Variants in DDX50 observed in about 807,000 individuals in gnomAD.
DDX50 encodes DExD-box helicase 50.
DDX50 carries 56 observed loss-of-function variants against 94.8 expected under a neutral mutation model. That is an observed-to-expected ratio of 0.59 (90% CI 0.48 to 0.74). DDX50 has a LOEUF of 0.74. DDX50 is among the 30% of genes least tolerant of loss of function. The pLI, the probability that DDX50 is intolerant of heterozygous loss-of-function variation, is 0.00. For synonymous variants in DDX50, 264 were observed against 295.4 expected (o/e 0.89, Z 1.09); for missense variants, 713 against 881.2 (o/e 0.81, Z 2.42).
chr10:68,902,869 T>C (rs1841332201), intron 1 of DDX50, among the ~76,000 whole-genome samples: 1 of 152,256 alleles, frequency 6.6e-6, no homozygotes, highest in Non-Finnish European at 1.5e-5. Context: ...TGACATTTGT[T>C]ATGCATGTCT....
chr10:68,941,304 T>C (rs1842548112), intron 13 of DDX50, 110 bp downstream of exon 13: 4 of 1,374,886 alleles, frequency 2.9e-6, no homozygotes, highest in Non-Finnish European at 4.0e-6. Flanking sequence ...TGAATAATGC[T>C]GTTTTTTCTC....
chr10:68,911,221 CAATT>C lies in DDX50; in HGVS notation c.617_620del (p.Ile206LysfsTer21), dbSNP rs1841617737. The C allele has an allele frequency of 6.3e-7, 1 of 1,599,118 alleles. No homozygotes were observed. The highest frequency in any genetic ancestry group is 8.5e-7 in the Non-Finnish European group (1 of 1,175,542). On this transcript the variant is annotated frameshift_variant, in exon 4 of 15. Transcript: ENST00000373585. LOFTEE classifies it high-confidence loss of function. ...GAAAGACTCCAAAGAAATCAAGAAA[CAATT>C]AAAAAAAGCCGCTCACCAAAGGTAA...
At chr10:68,915,457 C>A (rs953765949) in intron 7 of DDX50, among the ~76,000 whole-genome samples, 1 of 151,354 alleles carries the variant, frequency 6.6e-6, no homozygotes, top group Non-Finnish European at 1.5e-5. Context: ...GTGGCTCACG[C>A]CTGTATTCTG....
intron 14 of DDX50, among the ~76,000 whole-genome samples, chr10:68,944,370 A>G (rs936894428): frequency 2.6e-5 from 4 of 152,154 alleles, no homozygotes; most frequent in African/African-American, 9.7e-5. Context: ...GAAGTTGTCT[A>G]CTGGATTCCC....
intron 1 of DDX50, among the ~76,000 whole-genome samples, chr10:68,904,372 C>T (rs1418535280): frequency 4.0e-5 from 6 of 151,834 alleles, no homozygotes; most frequent in Admixed American, 6.6e-5. Flanking sequence ...TTGGTTCGGA[C>T]GTGTTGAGAT....
intron 14 of DDX50, among the ~76,000 whole-genome samples, chr10:68,945,300 A>T (rs1231718352): frequency 2.2e-5 from 3 of 135,444 alleles, no homozygotes; most frequent in African/African-American, 8.1e-5. Flanking sequence ...AGGGTGTCTT[A>T]ATAACAACAT....
At chr10:68,910,516 C>A in intron 3 of DDX50, 134 bp downstream of exon 3, 1 of 617,436 alleles carries the variant, frequency 1.6e-6, no homozygotes, top group Non-Finnish European at 2.7e-6. Flanking sequence ...GATTCTCCTA[C>A]CTCAGCCTGC....
chr10:68,919,994 T>C lies in DDX50; in HGVS notation c.1239+13T>C. ...ACACATAAAACAGGTAAGTCTTTTT[T>C]TCATGCTTTCTCTAATTGAAATTAT... On this transcript the variant is annotated intron_variant, in intron 8 of 14. Coordinates refer to ENST00000373585, the MANE Select transcript of DDX50 (RefSeq NM_024045.2). 6.2e-7 allele frequency: 1 copy of C among 1,613,002 alleles called. No homozygotes were observed. Among genetic ancestry groups the C allele is most frequent in the African/African-American group, 1.3e-5 (1 of 74,958 alleles).
chr10:68,943,404 CTTAAAT>C (rs1842596036), intron 14 of DDX50, 147 bp downstream of exon 14: 6 of 699,180 alleles, frequency 8.6e-6, no homozygotes, highest in Non-Finnish European at 1.1e-5. Flanking sequence ...CTGTCTCAAA[CTTAAAT>C]TTATTTTTAA....
intron 8 of DDX50, among the ~76,000 whole-genome samples, chr10:68,920,426 G>A (rs574787930): frequency 1.1e-4 from 16 of 152,152 alleles, no homozygotes; most frequent in Non-Finnish European, 1.6e-4. Flanking sequence ...TTGGCCTGCC[G>A]AAATGCTGGG....
chr10:68,941,792 A>G (rs1842560100), intron 13 of DDX50, among the ~76,000 whole-genome samples: 1 of 152,062 alleles, frequency 6.6e-6, no homozygotes, highest in East Asian at 1.9e-4. Context: ...GGTGCCCGCC[A>G]CTATGCCCAG....
intron 8 of DDX50, among the ~76,000 whole-genome samples, chr10:68,925,095 GTTTTTTT>G (rs1239190321): frequency 3.5e-5 from 1 of 28,562 alleles, no homozygotes; most frequent in African/African-American, 1.1e-4. Context: ...CCTGCTCATG[GTTTTTTT>G]TTTTTTTTTT....
chr10:68,939,391 T>A (rs1842502112), intron 12 of DDX50, among the ~76,000 whole-genome samples: 1 of 152,192 alleles, frequency 6.6e-6, no homozygotes, highest in Non-Finnish European at 1.5e-5. Context: ...GGCAGATGGG[T>A]CATTTAATCT....
chr10:68,930,272 C>T (rs1253765392), intron 8 of DDX50, among the ~76,000 whole-genome samples: 1 of 151,840 alleles, frequency 6.6e-6, no homozygotes, highest in Non-Finnish European at 1.5e-5. Flanking sequence ...TGCCTGCCAT[C>T]ATGCCTGGCT....
At chr10:68,916,928 C>T (rs1380336146) in intron 7 of DDX50, among the ~76,000 whole-genome samples, 5 of 152,106 alleles carry the variant, frequency 3.3e-5, no homozygotes, top group Admixed American at 1.3e-4. Context: ...TCAAGTGATC[C>T]GCCTGCCTTG....
intron 14 of DDX50, among the ~76,000 whole-genome samples, chr10:68,944,610 G>T (rs796666306): frequency 7.2e-5 from 11 of 152,078 alleles, no homozygotes; most frequent in African/African-American, 2.7e-4. Flanking sequence ...GCAGTGGTGT[G>T]ATCTCAGCTC....
At chr10:68,929,725 C>CTTTT (rs35522934) in intron 8 of DDX50, among the ~76,000 whole-genome samples, 4 of 127,264 alleles carry the variant, frequency 3.1e-5, no homozygotes, top group Non-Finnish European at 5.0e-5. Flanking sequence ...CGCCTGGCCT[C>CTTTT]TTTTTTTTTT....
chr10:68,908,962 A>G (rs966920723), intron 2 of DDX50, among the ~76,000 whole-genome samples: 22 of 151,930 alleles, frequency 1.4e-4, no homozygotes, highest in Non-Finnish European at 4.4e-5. Flanking sequence ...AAAAGTTTCT[A>G]CAATGACAGT....
chr10:68,919,716 T>C (rs189681064), intron 7 of DDX50, 116 bp from the exon 8 acceptor site: 1,425 of 1,277,364 alleles, frequency 1.1e-3, no homozygotes, highest in Admixed American at 1.6e-3. Context: ...AGGAGAGTCT[T>C]TGTCTTACAG....
Sources: gnomAD v4.1 joint callset for allele counts (sites outside exome capture counted in the v4.1 genomes callset) on GRCh38, gnomAD v4.1.1 for gene constraint, MANE v1.5 for transcripts, NCBI Gene and HGNC (gene_info 2026-07-23, HGNC 2026-07-21) for gene names.